Variants in PSMB7 observed in about 807,000 individuals in gnomAD.
PSMB7 encodes the protein proteasome subunit beta type-7.
PSMB7 carries 5 observed loss-of-function variants against 28.1 expected under a neutral mutation model. That is an observed-to-expected ratio of 0.18 (90% CI 0.09 to 0.37). The LOEUF (loss-of-function observed/expected upper bound fraction) is 0.37, where lower values mean the gene tolerates loss of function less well. Ranked by LOEUF, PSMB7 falls within the 10% of genes least tolerant of loss-of-function variation. PSMB7 has a pLI of 1.00. For missense variants in PSMB7, 275 were observed against 346.2 expected (o/e 0.79, Z 1.63); for synonymous variants, 122 against 123.7 (o/e 0.99, Z 0.09).
intron 6 of PSMB7, among the ~76,000 whole-genome samples, chr9:124,380,108 G>A (rs1471721189): frequency 6.6e-6 from 1 of 152,196 alleles, no homozygotes; most frequent in Non-Finnish European, 1.5e-5. Flanking sequence ...TACTGCTGGT[G>A]GGCACCAGTG....
At chr9:124,363,672 AGCT>A (rs1830483343) in intron 6 of PSMB7, among the ~76,000 whole-genome samples, 1 of 152,152 alleles carries the variant, frequency 6.6e-6, no homozygotes, top group Non-Finnish European at 1.5e-5. Context: ...TTTAACGCCT[AGCT>A]GGTGTTGCCA....
intron 5 of PSMB7, among the ~76,000 whole-genome samples, chr9:124,400,955 T>A (rs987918506): frequency 2.6e-5 from 4 of 152,176 alleles, no homozygotes; most frequent in African/African-American, 7.2e-5. Flanking sequence ...TTACAGAAAT[T>A]CTATAGGCCC....
chr9:124,353,764 G>A, intron 7 of PSMB7, 55 bp from the exon 8 acceptor site: 5 of 1,299,250 alleles, frequency 3.8e-6, no homozygotes, highest in Non-Finnish European at 5.6e-6. Context: ...GGTGCCAGAG[G>A]GCAGAAGACA....
At chr9:124,387,112 G>A (rs559910409) in intron 5 of PSMB7, among the ~76,000 whole-genome samples, 2 of 152,148 alleles carry the variant, frequency 1.3e-5, no homozygotes, top group Non-Finnish European at 2.9e-5. Flanking sequence ...CGAGCATGGT[G>A]GTGGGCGCCT....
chr9:124,369,847 C>T (rs910246692), intron 6 of PSMB7, among the ~76,000 whole-genome samples: 1 of 152,204 alleles, frequency 6.6e-6, no homozygotes, highest in African/African-American at 2.4e-5. Flanking sequence ...TTTATAGTCT[C>T]CCAGATAGAG....
chr9:124,410,252 C>T (rs145687203), intron 4 of PSMB7, among the ~76,000 whole-genome samples: 1 of 152,026 alleles, frequency 6.6e-6, no homozygotes, highest in East Asian at 1.9e-4. Flanking sequence ...CCTCGGCCCC[C>T]CAAAGTGCTG....
intron 6 of PSMB7, among the ~76,000 whole-genome samples, chr9:124,359,067 A>G (rs1024285383): frequency 1.3e-5 from 2 of 152,246 alleles, no homozygotes; most frequent in African/African-American, 4.8e-5. Flanking sequence ...AACAGTCTGT[A>G]AGTAACTGAT....
chr9:124,355,270 C>T (rs1564673548), intron 7 of PSMB7, among the ~76,000 whole-genome samples: 1 of 152,240 alleles, frequency 6.6e-6, no homozygotes, highest in Non-Finnish European at 1.5e-5. Context: ...TCTTCCCAAG[C>T]AGCCGCAAGG....
rs550093643 is a variant in PSMB7, at chr9:124,410,457, G to GA, written c.395+1894dup. ...CTTTATTACATAGACACATCGTGTAGAAAAAAAGTTTTCAAAAAAGCCTTA... is the reference window on the plus strand; with the variant it reads ...CTTTATTACATAGACACATCGTGTAGAAAAAAAAGTTTTCAAAAAAGCCTTA... On this transcript the variant is annotated intron_variant, in intron 4 of 7. Transcript: ENST00000259457. 4.3e-3 allele frequency among the ~76,000 whole-genome samples: 652 copies of GA among 152,160 alleles called. 7 individuals are homozygous for GA. The highest frequency in any genetic ancestry group is 0.015 in the African/African-American group (620 of 41,522).
chr9:124,375,523 T>G (rs1342318066), intron 6 of PSMB7, among the ~76,000 whole-genome samples: 1 of 151,864 alleles, frequency 6.6e-6, no homozygotes, highest in Non-Finnish European at 1.5e-5. Flanking sequence ...ATACACATTT[T>G]TCCCCCCAGA....
chr9:124,358,239 TCCTGCTCCTCTG>T (rs1830433293), intron 6 of PSMB7, among the ~76,000 whole-genome samples: 1 of 152,182 alleles, frequency 6.6e-6, no homozygotes, highest in African/African-American at 2.4e-5. Context: ...CACTGGGGGC[TCCTGCTCCTCTG>T]CCTGCCCCAT....
chr9:124,367,559 ATTGACTGTGGTC>A (rs1042828752), intron 6 of PSMB7, among the ~76,000 whole-genome samples: 3 of 151,636 alleles, frequency 2.0e-5, no homozygotes, highest in Admixed American at 6.6e-5. Flanking sequence ...TAGTCACTAT[ATTGACTGTGGTC>A]ATGGGGGGCG....
chr9:124,363,959 C>CT (rs1419817391), intron 6 of PSMB7, among the ~76,000 whole-genome samples: 1 of 152,144 alleles, frequency 6.6e-6, no homozygotes, highest in East Asian at 1.9e-4. Context: ...GCGGGTCACT[C>CT]TCTGAGCCAA....
At chr9:124,413,733 A>G (rs116272197) in intron 3 of PSMB7, among the ~76,000 whole-genome samples, 175 bp downstream of exon 3, 175 of 152,374 alleles carry the variant, frequency 1.1e-3, no homozygotes, top group African/African-American at 3.9e-3. Context: ...TGGAGACTGA[A>G]GCAAAGAGAG....
intron 5 of PSMB7, among the ~76,000 whole-genome samples, chr9:124,385,285 TGACA>T (rs1310355022): frequency 2.8e-4 from 43 of 152,226 alleles, no homozygotes; most frequent in African/African-American, 8.0e-4. Flanking sequence ...ATAGACAAAA[TGACA>T]GACAAAGAAA....
intron 5 of PSMB7, among the ~76,000 whole-genome samples, chr9:124,385,985 T>C (rs1046691172): frequency 6.6e-6 from 1 of 152,170 alleles, no homozygotes; most frequent in African/African-American, 2.4e-5. Context: ...TAGGGAATAT[T>C]GCTGCGGTTG....
chr9:124,383,036 C>T (rs757541586), intron 6 of PSMB7, among the ~76,000 whole-genome samples: 5 of 152,212 alleles, frequency 3.3e-5, no homozygotes, highest in South Asian at 2.1e-4. Context: ...CTCAAGAGTA[C>T]GCCTCCTTGT....
chr9:124,398,851 ATCTC>A (rs1830868796), intron 5 of PSMB7, among the ~76,000 whole-genome samples: 1 of 152,146 alleles, frequency 6.6e-6, no homozygotes, highest in African/African-American at 2.4e-5. Context: ...AAGTTGCTAA[ATCTC>A]TCTAACTTTC....
intron 6 of PSMB7, among the ~76,000 whole-genome samples, chr9:124,372,085 A>G (rs1198425563): frequency 1.3e-5 from 2 of 152,282 alleles, no homozygotes; most frequent in Non-Finnish European, 2.9e-5. Context: ...CCTGCTCCAA[A>G]GAAATGCATC....
Sources: allele counts gnomAD v4.1 joint callset (sites outside exome capture counted in the v4.1 genomes callset), GRCh38; gene constraint gnomAD v4.1.1; transcripts MANE v1.5; gene names NCBI Gene and HGNC (gene_info 2026-07-23, HGNC 2026-07-21).